PCDHGA2: variants seen among roughly 807,000 people sequenced by gnomAD.
PCDHGA2 encodes protocadherin gamma-A2.
In PCDHGA2, 40 loss-of-function variants were observed where a neutral mutation model predicts 59.2. The observed-to-expected ratio is 0.68, with a 90% CI of 0.52 to 0.88. The LOEUF (loss-of-function observed/expected upper bound fraction) is 0.88. PCDHGA2 is among the 40% of genes least tolerant of loss of function. The probability of loss-of-function intolerance (pLI) is 0.00; values close to 1 mark genes in which losing one functional copy is unlikely to be tolerated. For synonymous variants in PCDHGA2, 560 were observed against 526.0 expected (o/e 1.06, Z -0.89); for missense variants, 1,226 against 1,204.0 (o/e 1.02, Z -0.27).
At chr5:141,500,728 T>C (rs556463739) in intron 2 of PCDHGA2, among the ~76,000 whole-genome samples, 1 of 152,310 alleles carries the variant, frequency 6.6e-6, no homozygotes, top group South Asian at 2.1e-4. Context: ...CCCATGTCTT[T>C]CAAAATTCTT....
rs1043628660 is a variant in PCDHGA2, at chr5:141,478,879, G to A, written c.2425-15928G>A. On this transcript the variant is annotated intron_variant, in intron 1 of 3. Coordinates refer to ENST00000394576, the MANE Select transcript of PCDHGA2 (RefSeq NM_018915.4). ...GATCTCAGCGATCAGAGTTTAGCTT[G>A]GTATCATTTACATTAGGAATAAGCT... is the stretch of plus-strand genomic sequence containing the variant. 9 of 1,243,630 alleles carry A rather than the reference G, an allele frequency of 7.2e-6. No homozygotes were observed. The African/African-American group carries it at 1.1e-4, about 15-fold the overall frequency. The allele number at this position is 1,243,630 out of a possible 1,614,324, so 77.0% of individuals were successfully genotyped here.
At chr5:141,418,369 C>G (rs763319499) in intron 1 of PCDHGA2, 62 of 1,613,842 alleles carry the variant, frequency 3.8e-5, no homozygotes, top group Non-Finnish European at 4.8e-5. Context: ...TGAGCAAATA[C>G]CAACTAAGTC....
intron 1 of PCDHGA2, among the ~76,000 whole-genome samples, chr5:141,359,372 T>C (rs1761190910): frequency 6.6e-6 from 1 of 152,032 alleles, no homozygotes; most frequent in African/African-American, 2.4e-5. Flanking sequence ...AGGAAAGCAG[T>C]AGATAATTTA....
intron 1 of PCDHGA2, chr5:141,360,061 T>A: frequency 6.9e-7 from 1 of 1,452,308 alleles, no homozygotes; most frequent in Non-Finnish European, 9.1e-7. Flanking sequence ...GCAGGAAAAG[T>A]GACCTTAGCC....
chr5:141,345,943 C>T (rs762497935), intron 1 of PCDHGA2: 18 of 1,613,460 alleles, frequency 1.1e-5, no homozygotes, highest in Non-Finnish European at 1.4e-5. Context: ...GACAGAGACG[C>T]GCTCAAGCAG....
intron 1 of PCDHGA2, chr5:141,383,470 T>G (rs1779162782): frequency 6.2e-7 from 1 of 1,613,710 alleles, no homozygotes; most frequent in Non-Finnish European, 8.5e-7. Flanking sequence ...TGAAACTAAG[T>G]ACCCGGAACT....
intron 2 of PCDHGA2, among the ~76,000 whole-genome samples, chr5:141,504,651 G>A (rs905210723): frequency 8.4e-6 from 1 of 119,750 alleles, no homozygotes; most frequent in Non-Finnish European, 1.6e-5. Flanking sequence ...ATGATAGAGT[G>A]TTTGAGGGCG....
At chr5:141,388,889 CAT>C in intron 1 of PCDHGA2, 6 of 1,613,954 alleles carry the variant, frequency 3.7e-6, no homozygotes, top group Non-Finnish European at 5.1e-6. Flanking sequence ...AGGTAGAAGT[CAT>C]AGATGAAAAT....
Position 141,477,426 on chromosome 5 carries a change from T to G in PCDHGA2, c.2425-17381T>G. 1 of 1,614,100 alleles carries G rather than the reference T, an allele frequency of 6.2e-7. No individual in the cohort carries two copies. Among genetic ancestry groups the G allele is most frequent in the East Asian group, 2.2e-5 (1 of 44,874 alleles). The stretch of plus-strand genomic sequence containing the variant: ...GCCCGAGACGCCGGAACCCCTTCCC[T>G]CTCAGCCCTTACAATAGTGCGTGTT... On this transcript the variant is annotated intron_variant, in intron 1 of 3. Coordinates refer to ENST00000394576, the MANE Select transcript of PCDHGA2 (RefSeq NM_018915.4). The surrounding 1 kb of genome is among the most constrained non-coding windows in gnomAD (Gnocchi z 4.9).
At chr5:141,403,804 T>G (rs2094456767) in intron 1 of PCDHGA2, 1 of 1,613,764 alleles carries the variant, frequency 6.2e-7, no homozygotes, top group Non-Finnish European at 8.5e-7. Context: ...TCTGGAAAAT[T>G]AATGAAAAAC....
At chr5:141,421,000 A>G (rs2096537102) in intron 1 of PCDHGA2, 1 of 507,878 alleles carries the variant, frequency 2.0e-6, no homozygotes, top group East Asian at 3.3e-5. Flanking sequence ...CTGCTCACCA[A>G]TCAGGGAATG....
intron 1 of PCDHGA2, chr5:141,382,889 G>A: frequency 2.0e-5 from 30 of 1,532,432 alleles, no homozygotes; most frequent in Non-Finnish European, 2.5e-5. Context: ...AGCAAGAGAA[G>A]CAGGACGACT....
chr5:141,345,212 G>A (rs1224324973), intron 1 of PCDHGA2: 6 of 1,613,956 alleles, frequency 3.7e-6, no homozygotes, highest in Middle Eastern at 3.3e-4. Context: ...TGCCATTTAA[G>A]TTAGAAAAAT....
chr5:141,463,874 G>T (rs1311566242), intron 1 of PCDHGA2, among the ~76,000 whole-genome samples: 1 of 152,136 alleles, frequency 6.6e-6, no homozygotes, highest in Non-Finnish European at 1.5e-5. Flanking sequence ...TGACTGAAAG[G>T]AAAAGTTTTC....
At chr5:141,409,769 G>T (rs1413636372) in intron 1 of PCDHGA2, 3 of 1,612,776 alleles carry the variant, frequency 1.9e-6, no homozygotes, top group Middle Eastern at 1.7e-4. Flanking sequence ...CTTTGATCAC[G>T]AGCAGCTGCG....
intron 1 of PCDHGA2, chr5:141,394,390 G>A (rs758609540): frequency 2.5e-6 from 4 of 1,614,100 alleles, no homozygotes; most frequent in South Asian, 2.2e-5. Flanking sequence ...GAGCAGATCC[G>A]AGACCTGCAG....
Position 141,352,289 on chromosome 5 carries a change from C to T in PCDHGA2, c.2424+10894C>T, listed in dbSNP as rs1758969682. 3.1e-6 allele frequency: 5 copies of T among 1,614,082 alleles called. No individual in the cohort carries two copies. The East Asian group carries it at 1.1e-4, about 36-fold the overall frequency. ...GCCAGACCTCAGCGACCGCCCTGAG[C>T]CCTCTGACCCCCAGACGGAACTGCA... On this transcript the variant is annotated intron_variant, in intron 1 of 3. Coordinates refer to ENST00000394576, the MANE Select transcript of PCDHGA2 (RefSeq NM_018915.4).
intron 1 of PCDHGA2, chr5:141,350,645 C>T (rs1758527219): frequency 1.9e-6 from 3 of 1,613,990 alleles, no homozygotes; most frequent in East Asian, 2.2e-5. Context: ...CAATGCACCA[C>T]GTTTCGTTGC....
Position 141,339,111 on chromosome 5 carries a change from A to G in PCDHGA2, c.140A>G (p.Asn47Ser). Reference sequence around the variant, plus strand: ...ATCGACAGAGGCTCCTTCGTAGGCAACATCGCCAAGGACTTGGGTTTGGAG... The same window carrying G: ...ATCGACAGAGGCTCCTTCGTAGGCAGCATCGCCAAGGACTTGGGTTTGGAG... ...EEIDRGSFVG[N>S]IAKDLGLEPL... The change falls in exon 1 of 4, where the codon AAC becomes AGC. Residue 47 changes from asparagine to serine, a missense_variant. Transcript: ENST00000394576. 1.2e-6 allele frequency: 2 copies of G among 1,614,244 alleles called. No individual in the cohort carries two copies. The highest frequency in any genetic ancestry group is 1.7e-6 in the Non-Finnish European group (2 of 1,180,040).
Sources: gnomAD v4.1 joint callset for allele counts (sites outside exome capture counted in the v4.1 genomes callset) on GRCh38, gnomAD v4.1.1 for gene constraint, Gnocchi (gnomAD v3.1) non-coding constraint, MANE v1.5 for transcripts, NCBI Gene and HGNC (gene_info 2026-07-23, HGNC 2026-07-21) for gene names.